The following LOC128462377 variants were observed in gnomAD, a reference collection of about 807,000 sequenced individuals.
the LOC128462377 span, among the ~76,000 whole-genome samples, chr16:89,327,694 A>G: frequency 4.9e-5 from 2 of 41,046 alleles, no homozygotes; most frequent in African/African-American, 3.0e-4. Flanking sequence ...TAATCAAATA[A>G]AAACATGAAA....
chr16:89,413,628 G>GA, the LOC128462377 span, among the ~76,000 whole-genome samples: 1 of 151,980 alleles, frequency 6.6e-6, no homozygotes, highest in African/African-American at 2.4e-5. Flanking sequence ...CTCAAAAAAA[G>GA]AAAAAAATAA....
chr16:89,359,320 T>C, the LOC128462377 span, among the ~76,000 whole-genome samples: 3 of 152,310 alleles, frequency 2.0e-5, no homozygotes, highest in African/African-American at 7.2e-5. Flanking sequence ...AGAGCAGCCA[T>C]TTCCCATACA....
At chr16:89,336,281 C>A in the LOC128462377 span, among the ~76,000 whole-genome samples, 1 of 152,152 alleles carries the variant, frequency 6.6e-6, no homozygotes, top group African/African-American at 2.4e-5. Context: ...GAGCAGGTGC[C>A]GGGGAGCAGC....
chr16:89,368,636 C>A, the LOC128462377 span, among the ~76,000 whole-genome samples: 1 of 150,470 alleles, frequency 6.6e-6, no homozygotes, highest in Non-Finnish European at 1.5e-5. Context: ...GGCTGGGTGC[C>A]ATGGCTCACA....
At chr16:89,393,936 T>C in the LOC128462377 span, among the ~76,000 whole-genome samples, 1 of 152,180 alleles carries the variant, frequency 6.6e-6, no homozygotes, top group African/African-American at 2.4e-5. Context: ...TAATAGAGAC[T>C]AGTTTACTTG....
chr16:89,371,123 G>A, the LOC128462377 span, among the ~76,000 whole-genome samples: 3 of 152,162 alleles, frequency 2.0e-5, no homozygotes, highest in Admixed American at 1.3e-4. Flanking sequence ...GGGGGAAGAC[G>A]GGACGAGCGT....
the LOC128462377 span, chr16:89,403,629 G>C: frequency 6.6e-6 from 1 of 152,198 alleles, no homozygotes; most frequent in African/African-American, 2.4e-5. Context: ...CCCGGGAAGG[G>C]ATTTCAAAAC....
chr16:89,412,679 G>C, the LOC128462377 span: 1 of 151,994 alleles, frequency 6.6e-6, no homozygotes, highest in Non-Finnish European at 1.5e-5. Context: ...CAGGCAAAAT[G>C]TTTTTCACCC....
the LOC128462377 span, among the ~76,000 whole-genome samples, chr16:89,387,832 G>A: frequency 5.6e-3 from 838 of 150,242 alleles, 9 homozygotes; most frequent in African/African-American, 0.02. Context: ...GTGAAACCCC[G>A]TCTCTACTAA....
At chr16:89,330,325 G>C in the LOC128462377 span, among the ~76,000 whole-genome samples, 2 of 152,062 alleles carry the variant, frequency 1.3e-5, no homozygotes, top group African/African-American at 4.8e-5. Context: ...GGGAAGGCTC[G>C]GGAGACCTGG....
the LOC128462377 span, among the ~76,000 whole-genome samples, chr16:89,323,599 G>C: frequency 4.9e-5 from 4 of 80,972 alleles, no homozygotes; most frequent in Admixed American, 4.8e-4. Flanking sequence ...CAGGGGGGCT[G>C]AGCCCGGGGC....
At chr16:89,321,923 G>C in the LOC128462377 span, among the ~76,000 whole-genome samples, 32 of 152,230 alleles carry the variant, frequency 2.1e-4, no homozygotes, top group Admixed American at 9.8e-4. Context: ...AAAGCCATTC[G>C]TGGAGACCCG....
At chr16:89,361,078 T>C in the LOC128462377 span, among the ~76,000 whole-genome samples, 1 of 152,172 alleles carries the variant, frequency 6.6e-6, no homozygotes, top group Non-Finnish European at 1.5e-5. Context: ...CCTGCTGCAA[T>C]GGCACCTCCT....
the LOC128462377 span, among the ~76,000 whole-genome samples, chr16:89,349,766 G>A: frequency 6.6e-6 from 1 of 151,746 alleles, no homozygotes; most frequent in African/African-American, 2.4e-5. Context: ...AAGTACCCAA[G>A]ACAAAACTAT....
At chr16:89,370,016 G>A in the LOC128462377 span, among the ~76,000 whole-genome samples, 5 of 152,206 alleles carry the variant, frequency 3.3e-5, no homozygotes, top group African/African-American at 1.2e-4. Context: ...TTCAGGAAGA[G>A]CCAGGCCAAG....
the LOC128462377 span, among the ~76,000 whole-genome samples, chr16:89,335,856 A>T: frequency 1.3e-5 from 2 of 152,142 alleles, no homozygotes; most frequent in African/African-American, 4.8e-5. Context: ...TGGTGCTTCT[A>T]AAGGGCTAGG....
At chr16:89,362,637 G>C in the LOC128462377 span, among the ~76,000 whole-genome samples, 1 of 152,184 alleles carries the variant, frequency 6.6e-6, no homozygotes, top group African/African-American at 2.4e-5. Flanking sequence ...TTTATTCAAA[G>C]ACCTGTGCTG....
chr16:89,355,830 T>C, the LOC128462377 span, among the ~76,000 whole-genome samples: 1 of 152,190 alleles, frequency 6.6e-6, no homozygotes, highest in Non-Finnish European at 1.5e-5. Flanking sequence ...TCTGTGGCTC[T>C]CCTGTGCGCA....
the LOC128462377 span, among the ~76,000 whole-genome samples, chr16:89,404,489 T>C: frequency 1.3e-5 from 2 of 152,252 alleles, no homozygotes; most frequent in African/African-American, 4.8e-5. Context: ...TTTGTTATTC[T>C]GGTGTCCTCC....
Sources: allele counts gnomAD v4.1 joint callset (sites outside exome capture counted in the v4.1 genomes callset), GRCh38; gene constraint gnomAD v4.1.1; transcripts MANE v1.5.